Variants in IFT172 observed in about 807,000 individuals in gnomAD.
IFT172 encodes intraflagellar transport 172.
IFT172 carries 164 observed loss-of-function variants against 248.9 expected under a neutral mutation model. That is an observed-to-expected ratio of 0.66 (90% confidence interval 0.58 to 0.75). IFT172 has a LOEUF of 0.75. Among genes scored for constraint, IFT172 ranks in the 30% least tolerant of loss-of-function variants. The probability of loss-of-function intolerance (pLI) is 0.00; values close to 1 mark genes in which losing one functional copy is unlikely to be tolerated. For missense variants in IFT172, 1,950 were observed against 2,192.4 expected (o/e 0.89, Z 2.21); for synonymous variants, 729 against 791.6 (o/e 0.92, Z 1.33).
intron 14 of IFT172, chr2:27,475,457 G>C (rs868121958): frequency 7.5e-4 from 114 of 152,288 alleles, no homozygotes; most frequent in African/African-American, 2.5e-3. Context: ...ACTGGGTATG[G>C]ATAAACAAGT....
chr2:27,462,838 A>G (rs1333262834), intron 19 of IFT172, 45 bp from the exon 20 acceptor site: 1 of 1,582,698 alleles, frequency 6.3e-7, no homozygotes, highest in South Asian at 1.1e-5. Context: ...AGGTGCTGCC[A>G]TTCTGTCTGT....
In IFT172 at chr2:27,446,252, C is replaced by T; in HGVS notation, c.4755+8G>A. On this transcript the variant is annotated splice_region_variant and intron_variant, in intron 43 of 47. Coordinates refer to ENST00000260570, the MANE Select transcript of IFT172 (RefSeq NM_015662.3). ...CTATCTGCCCCACCCTTCCTTGTCCCAGCTCACCTTGGCAGCAATGCCTGC... is the reference window on the plus strand; with the variant it reads ...CTATCTGCCCCACCCTTCCTTGTCCTAGCTCACCTTGGCAGCAATGCCTGC... The T allele has an allele frequency of 6.2e-7, 1 of 1,613,794 alleles. No individual in the cohort carries two copies. Among genetic ancestry groups the T allele is most frequent in the Non-Finnish European group, 8.5e-7 (1 of 1,179,682 alleles).
chr2:27,485,411 AT>A lies in IFT172; in HGVS notation c.131del (p.Asp44ValfsTer17). 1 of 1,614,214 alleles carries A rather than the reference AT, an allele frequency of 6.2e-7. No homozygotes were observed. The highest frequency in any genetic ancestry group is 8.5e-7 in the Non-Finnish European group (1 of 1,180,038). On this transcript the variant is annotated frameshift_variant, in exon 2 of 48. Transcript: ENST00000260570. LOFTEE classifies it high-confidence loss of function. ...ATTTATCTCTCCGTTCTCCATGTTC[AT>A]CATACAGCAAGACCACTCGGTCCAC... Reference protein sequence around the residue: ...CTVDRVVLLYDEHGERRDKFS... With the variant: ...CTVDRVVLLYXEHGERRDKFS...
chr2:27,454,445 A>G lies in IFT172; in HGVS notation c.3466-27T>C, dbSNP rs1018634548. The G allele has an allele frequency of 1.9e-6, 3 of 1,614,194 alleles. No individual in the cohort carries two copies. The highest frequency in any genetic ancestry group is 2.5e-6 in the Non-Finnish European group (3 of 1,180,038). The stretch of plus-strand genomic sequence containing the variant: ...TACAGGGAGAGAAAGGCAGCCGTGC[A>G]TGATGAGAAGGAGACTGGCATCACA... On this transcript the variant is annotated intron_variant, in intron 31 of 47. Transcript: ENST00000260570. The surrounding 1 kb of genome is among the most constrained non-coding windows in gnomAD (Gnocchi z 4.2).
intron 36 of IFT172, 43 bp downstream of exon 36, chr2:27,449,955 C>G (rs754988082): frequency 6.4e-7 from 1 of 1,552,516 alleles, no homozygotes; most frequent in South Asian, 1.1e-5. Flanking sequence ...TTGCACCCAT[C>G]TCTGTGAAAT....
intron 9 of IFT172, 102 bp downstream of exon 9, chr2:27,479,924 G>A (rs1668234816): frequency 7.0e-7 from 1 of 1,421,002 alleles, no homozygotes; most frequent in Non-Finnish European, 9.4e-7. Context: ...AAAGGAAAGA[G>A]GAGATTCTAT....
intron 16 of IFT172, among the ~76,000 whole-genome samples, chr2:27,469,947 G>C (rs1667427088): frequency 6.6e-6 from 1 of 152,102 alleles, no homozygotes. Context: ...TGTTTGCAGG[G>C]GAGTGGTTAG....
chr2:27,480,027 AC>A lies in IFT172; in HGVS notation c.907del (p.Val303TrpfsTer26). On this transcript the variant is annotated frameshift_variant and splice_region_variant, in exon 9 of 48. Transcript: ENST00000260570. LOFTEE classifies it high-confidence loss of function. The part of the protein sequence containing the change: ...AWKRDGSRLC[V>X]GTLCGGVEQF... ...AGAAAGGGATTACTAGTAACACACC[AC>A]ACAGAGCCGTGAGCCATCCCGCTTC... The A allele has an allele frequency of 1.9e-6, 3 of 1,613,344 alleles. No individual in the cohort carries two copies. Among genetic ancestry groups the A allele is most frequent in the Non-Finnish European group, 2.5e-6 (3 of 1,179,636 alleles).
chr2:27,478,101 C>G lies in IFT172; in HGVS notation c.1061G>C (p.Gly354Ala), dbSNP rs1230851942. The G allele has an allele frequency of 6.2e-7, 1 of 1,614,062 alleles. No individual in the cohort carries two copies. Among genetic ancestry groups the G allele is most frequent in the African/African-American group, 1.3e-5 (1 of 74,908 alleles). ...GATTTTCACCTCTTCCACCTCATAG[C>G]CATAGTGTGACTTGAGCACCACTCG... ...GTRVVLKSHY[G>A]YEVEEVKILG... The change falls in exon 11 of 48, where the codon GGC becomes GCC. Residue 354 changes from glycine (G) to alanine (A), a missense_variant. Coordinates refer to ENST00000260570, the MANE Select transcript of IFT172 (RefSeq NM_015662.3).
At chr2:27,446,016 A>T (rs1665057460) in intron 43 of IFT172, 28 bp from the exon 44 acceptor site, 1 of 1,613,730 alleles carries the variant, frequency 6.2e-7, no homozygotes, top group Non-Finnish European at 8.5e-7. Context: ...TGCAAATGGG[A>T]GTGAACAAGC....
chr2:27,485,869 T>C (rs1024642624), intron 1 of IFT172, among the ~76,000 whole-genome samples: 6 of 152,242 alleles, frequency 3.9e-5, no homozygotes, highest in Admixed American at 3.3e-4. Flanking sequence ...TAGCACCTTA[T>C]TGATCAAGGC....
chr2:27,477,655 C>T, intron 11 of IFT172, 43 bp from the exon 12 acceptor site: 1 of 1,280,498 alleles, frequency 7.8e-7, no homozygotes, highest in Admixed American at 1.7e-5. Context: ...GATAAATACC[C>T]AAGATAATGC....
chr2:27,446,281 A>G lies in IFT172; in HGVS notation c.4734T>C (p.Tyr1578=). 5 of 1,614,216 alleles carry G rather than the reference A, an allele frequency of 3.1e-6. No homozygotes were observed. The highest frequency in any genetic ancestry group is 1.1e-5 in the South Asian group (1 of 91,084). ...TQLLPVDKAF[Y]EAGIAAKAVG... is the part of the protein sequence containing the mutation. The stretch of plus-strand genomic sequence containing the variant: ...TCACCTTGGCAGCAATGCCTGCTTC[A>G]TAGAAGGCTTTGTCTACAGGTAGTA... The change falls in exon 43 of 48, where the codon TAT becomes TAC. Residue 1578 remains tyrosine (Y), a synonymous_variant. Coordinates refer to ENST00000260570, the MANE Select transcript of IFT172 (RefSeq NM_015662.3).
chr2:27,448,816 A>G, intron 40 of IFT172, 99 bp downstream of exon 40: 1 of 753,038 alleles, frequency 1.3e-6, no homozygotes. Flanking sequence ...TTCTCTAAGG[A>G]TAGAATCCTC....
chr2:27,483,384 A>T lies in IFT172; in HGVS notation c.483-8T>A, dbSNP rs766696763. 1 of 1,563,408 alleles carries T rather than the reference A, an allele frequency of 6.4e-7. No homozygotes were observed. The highest frequency in any genetic ancestry group is 8.8e-7 in the Non-Finnish European group (1 of 1,134,062). ...ATTCCTTTCCCAGAGCAACTAAAAAAGGAGAAAGGAGAGAAATACAGGAAG... is the reference window on the plus strand; with the variant it reads ...ATTCCTTTCCCAGAGCAACTAAAAATGGAGAAAGGAGAGAAATACAGGAAG... On this transcript the variant is annotated splice_polypyrimidine_tract_variant and splice_region_variant and intron_variant, in intron 6 of 47. Coordinates refer to ENST00000260570, the MANE Select transcript of IFT172 (RefSeq NM_015662.3).
intron 42 of IFT172, 144 bp from the exon 43 acceptor site, chr2:27,446,499 T>TA (rs1665115223): frequency 5.6e-6 from 3 of 533,326 alleles, no homozygotes; most frequent in Non-Finnish European, 8.8e-6. Flanking sequence ...TGGGTCTTAG[T>TA]TTTTTTTTTC....
At chr2:27,472,136 G>C (rs779539774) in intron 15 of IFT172, 114 bp downstream of exon 15, 1 of 764,770 alleles carries the variant, frequency 1.3e-6, no homozygotes, top group East Asian at 2.5e-5. Context: ...CTGCCATGTT[G>C]ATGACACAGC....
In IFT172 at chr2:27,453,991, A is replaced by C. The variant is rs1342661027; in HGVS notation, c.3702T>G (p.Asn1234Lys). 2.5e-6 allele frequency: 4 copies of C among 1,610,124 alleles called. 1 individual carries two copies. In the South Asian group the frequency reaches 4.4e-5, roughly 18 times the overall value. ...LRAQRPGLAL[N>K]YYKEAGLWSD... ...GCATCCAGTGCCCCACCTTATAATA[A>C]TTGAGGGCCAGGCCTGGTCTCTGGG... is the stretch of plus-strand genomic sequence containing the variant. Residue 1234 changes from asparagine to lysine, a missense_variant, in exon 33 of 48, where the codon AAT becomes AAG. Coordinates refer to ENST00000260570, the MANE Select transcript of IFT172 (RefSeq NM_015662.3).
At chr2:27,482,491 G>A (rs941016506) in intron 7 of IFT172, among the ~76,000 whole-genome samples, 2 of 151,638 alleles carry the variant, frequency 1.3e-5, no homozygotes, top group East Asian at 1.9e-4. Flanking sequence ...CGGGTTTCAC[G>A]TCAGGCTGGT....
Sources: allele counts gnomAD v4.1 joint callset (sites outside exome capture counted in the v4.1 genomes callset), GRCh38; gene constraint gnomAD v4.1.1; non-coding constraint Gnocchi (gnomAD v3.1); transcripts MANE v1.5; gene names NCBI Gene and HGNC (gene_info 2026-07-23, HGNC 2026-07-21).